Variants in PTPRD observed in about 807,000 individuals in gnomAD.
PTPRD encodes receptor-type tyrosine-protein phosphatase delta.
PTPRD carries 34 observed loss-of-function variants against 214.5 expected under a neutral mutation model. The observed-to-expected ratio is 0.16, with a 90% CI of 0.12 to 0.21. The LOEUF is 0.21. PTPRD is among the 10% of genes least tolerant of loss of function. PTPRD has a pLI of 1.00. For synonymous variants in PTPRD, 1,128 were observed against 845.7 expected (o/e 1.33, Z -5.79); for missense variants, 2,545 against 2,398.7 (o/e 1.06, Z -1.27).
chr9:10,351,290 T>C (rs1316589095), intron 2 of PTPRD, among the ~76,000 whole-genome samples: 2 of 152,102 alleles, frequency 1.3e-5, no homozygotes, highest in Admixed American at 6.5e-5. Flanking sequence ...GACTAAGTAT[T>C]GAACATGTTT....
intron 12 of PTPRD, among the ~76,000 whole-genome samples, chr9:8,727,671 T>C (rs1293823331): frequency 2.7e-5 from 4 of 149,998 alleles, no homozygotes; most frequent in African/African-American, 9.8e-5. Context: ...TGTTTGTTTG[T>C]TTTGAGACAG....
In PTPRD at chr9:8,655,306, T is replaced by A. The variant is rs111495533; in HGVS notation, c.65-18462A>T. Among the ~76,000 whole-genome samples, 1,155 of 152,292 alleles carry A rather than the reference T, an allele frequency of 7.6e-3. 10 individuals carry two copies. Among genetic ancestry groups the A allele is most frequent in the East Asian group, 0.029 (148 of 5,182 alleles). Reference sequence around the variant, plus strand: ...CCCCTGCCTCTTTGGGGAAATGTGTTTTATAATTGTAAGTAGAATTCATAG... The same window carrying A: ...CCCCTGCCTCTTTGGGGAAATGTGTATTATAATTGTAAGTAGAATTCATAG... On this transcript the variant is annotated intron_variant, in intron 12 of 45. Coordinates refer to ENST00000381196, the MANE Select transcript of PTPRD (RefSeq NM_002839.4).
intron 2 of PTPRD, among the ~76,000 whole-genome samples, chr9:10,409,715 T>G (rs1314033586): frequency 1.3e-5 from 2 of 151,792 alleles, no homozygotes; most frequent in Non-Finnish European, 2.9e-5. Flanking sequence ...GTGTGTAAAT[T>G]TGCTTCTAAT....
In PTPRD at chr9:9,043,904, A is replaced by AAAAAT. The variant is rs34743506; in HGVS notation, c.-142-25174_-142-25170dup. 9.9e-3 allele frequency among the ~76,000 whole-genome samples: 1,357 copies of AAAAAT among 137,402 alleles called. 28 individuals carry two copies. The highest frequency in any genetic ancestry group is 0.033 in the African/African-American group (1,226 of 36,964). 90.1% of individuals were successfully genotyped at this position (137,402 alleles called of 152,430 possible). ...GGGTGACAGAGTGAGACCCTGTCTC[A>AAAAAT]AAAATAAAATAAAATAAAATAAAAT... is the stretch of plus-strand genomic sequence containing the variant. On this transcript the variant is annotated intron_variant, in intron 10 of 45. Coordinates refer to ENST00000381196, the MANE Select transcript of PTPRD (RefSeq NM_002839.4).
chr9:9,406,164 A>T (rs960182177), intron 8 of PTPRD, among the ~76,000 whole-genome samples: 1 of 152,002 alleles, frequency 6.6e-6, no homozygotes, highest in Admixed American at 6.6e-5. Flanking sequence ...AAGAAGACAA[A>T]TGTTTTTGAA....
chr9:8,681,444 C>A (rs1009916850), intron 12 of PTPRD, among the ~76,000 whole-genome samples: 1 of 152,158 alleles, frequency 6.6e-6, no homozygotes, highest in Non-Finnish European at 1.5e-5. Flanking sequence ...ACAGTTTAAC[C>A]AAGAAGCTGC....
At position 9,069,568 on chromosome 9, in the gene PTPRD, T is replaced by G. The variant is rs1011838868; in HGVS notation, c.-142-50833A>C. Among the ~76,000 whole-genome samples the G allele has an allele frequency of 2.6e-5, 4 of 152,232 alleles. No individual in the cohort carries two copies. In the South Asian group the frequency reaches 6.2e-4, roughly 24 times the overall value. On this transcript the variant is annotated intron_variant, in intron 10 of 45. Coordinates refer to ENST00000381196, the MANE Select transcript of PTPRD (RefSeq NM_002839.4). ...TAACTGTTCAGTAACAACCTTAGAT[T>G]GCTGGCTCCAGCCTTGTATTGAGGC...
intron 5 of PTPRD, among the ~76,000 whole-genome samples, chr9:9,837,330 A>T (rs2057056632): frequency 6.6e-6 from 1 of 152,178 alleles, no homozygotes; most frequent in South Asian, 2.1e-4. Flanking sequence ...TAGTTACAAT[A>T]TCTAACACAG....
At chr9:9,053,172 A>G (rs1407549800) in intron 10 of PTPRD, among the ~76,000 whole-genome samples, 1 of 152,218 alleles carries the variant, frequency 6.6e-6, no homozygotes, top group Non-Finnish European at 1.5e-5. Context: ...AAATGTTTGA[A>G]TATCAGCAGT....
Position 9,975,677 on chromosome 9 carries a change from A to C in PTPRD, c.-471-37067T>G, listed in dbSNP as rs143246536. Among the ~76,000 whole-genome samples, 30 of 152,300 alleles carry C rather than the reference A, an allele frequency of 2.0e-4. 1 individual carries two copies. The highest frequency in any genetic ancestry group is 8.3e-4 in the South Asian group (4 of 4,826). On this transcript the variant is annotated intron_variant, in intron 4 of 45. Transcript: ENST00000381196. ...CCTACTAAAATACACACCACCACCAACAAGGAGATCTCTGTTAAGATAATA... is the reference window on the plus strand; with the variant it reads ...CCTACTAAAATACACACCACCACCACCAAGGAGATCTCTGTTAAGATAATA...
intron 29 of PTPRD, 105 bp from the exon 30 acceptor site, chr9:8,484,483 T>C (rs2135807332): frequency 8.5e-7 from 1 of 1,179,012 alleles, no homozygotes; most frequent in African/African-American, 1.5e-5. Flanking sequence ...ATATAGTCAA[T>C]TCTAATTTTA....
chr9:9,533,446 A>C (rs574975124), intron 8 of PTPRD, among the ~76,000 whole-genome samples: 1 of 152,172 alleles, frequency 6.6e-6, no homozygotes, highest in South Asian at 2.1e-4. Flanking sequence ...CCATGGCATT[A>C]TCTGTTTAAT....
chr9:9,138,843 T>C (rs78477615), intron 10 of PTPRD, among the ~76,000 whole-genome samples: 3,393 of 152,244 alleles, frequency 0.022, 134 homozygotes, highest in African/African-American at 0.077. Flanking sequence ...GGCCCTTTTA[T>C]GTTTAATATA....
intron 12 of PTPRD, among the ~76,000 whole-genome samples, chr9:8,677,546 G>T (rs1482586305): frequency 2.0e-5 from 3 of 152,028 alleles, no homozygotes; most frequent in Admixed American, 2.0e-4. Context: ...GGAGGGTGAG[G>T]ATCAAACAAC....
chr9:10,466,030 C>T (rs959454530), intron 2 of PTPRD, among the ~76,000 whole-genome samples: 3 of 152,084 alleles, frequency 2.0e-5, no homozygotes, highest in Non-Finnish European at 2.9e-5. Flanking sequence ...AATGAATGAG[C>T]GAAACTAAAA....
At chr9:9,848,976 C>T (rs538464050) in intron 5 of PTPRD, among the ~76,000 whole-genome samples, 1 of 151,874 alleles carries the variant, frequency 6.6e-6, no homozygotes, top group Non-Finnish European at 1.5e-5. Context: ...ACTTCCTAAA[C>T]AGACACAGAG....
chr9:9,000,859 A>G (rs2099415244), intron 11 of PTPRD, among the ~76,000 whole-genome samples: 1 of 152,016 alleles, frequency 6.6e-6, no homozygotes, highest in Admixed American at 6.6e-5. Flanking sequence ...AACAAACCAC[A>G]AGAAATAACC....
At chr9:9,637,298 C>A (rs1031286962) in intron 7 of PTPRD, among the ~76,000 whole-genome samples, 1 of 152,140 alleles carries the variant, frequency 6.6e-6, no homozygotes, top group Non-Finnish European at 1.5e-5. Context: ...ATTTAAATAT[C>A]AAATATGGGT....
At chr9:8,559,259 C>T (rs7032177) in intron 14 of PTPRD, among the ~76,000 whole-genome samples, 20,720 of 152,148 alleles carry the variant, frequency 0.14, 4,313 homozygotes, top group African/African-American at 0.45. Context: ...AGGAAATGAA[C>T]TATAATGGTC....
Sources: gnomAD v4.1 joint callset for allele counts (sites outside exome capture counted in the v4.1 genomes callset) on GRCh38, gnomAD v4.1.1 for gene constraint, MANE v1.5 for transcripts, NCBI Gene and HGNC (gene_info 2026-07-23, HGNC 2026-07-21) for gene names.